MLLT3: variants seen among roughly 807,000 people sequenced by gnomAD.
MLLT3 encodes MLLT3 super elongation complex subunit, also known as protein AF-9.
Under a neutral mutation model 53.2 loss-of-function variants are expected in MLLT3, and 4 were observed. The ratio of observed to expected loss-of-function variants is 0.08; its 90% CI spans 0.04 to 0.17. MLLT3 has a LOEUF of 0.17. Ranked by LOEUF, MLLT3 falls within the 10% of genes least tolerant of loss-of-function variation. MLLT3 has a pLI of 1.00. For missense variants in MLLT3, 569 were observed against 684.0 expected (o/e 0.83, Z 1.87); for synonymous variants, 283 against 230.6 (o/e 1.23, Z -2.06).
chr9:20,458,455 T>C (rs1824025947), intron 2 of MLLT3, among the ~76,000 whole-genome samples: 1 of 152,182 alleles, frequency 6.6e-6, no homozygotes, highest in African/African-American at 2.4e-5. Context: ...CTAGACAATC[T>C]GAAGACTAAA....
intron 2 of MLLT3, among the ~76,000 whole-genome samples, chr9:20,478,576 T>C (rs1824583991): frequency 6.6e-6 from 1 of 152,158 alleles, no homozygotes; most frequent in African/African-American, 2.4e-5. Flanking sequence ...GGTTCAAAGA[T>C]GACCTCAGAT....
chr9:20,467,016 T>C (rs1015400784), intron 2 of MLLT3, among the ~76,000 whole-genome samples: 8 of 152,212 alleles, frequency 5.3e-5, no homozygotes, highest in African/African-American at 1.9e-4. Flanking sequence ...AGCTAGAGTA[T>C]ATATGAAACA....
At chr9:20,548,464 G>T (rs1818844905) in intron 2 of MLLT3, among the ~76,000 whole-genome samples, 1 of 152,160 alleles carries the variant, frequency 6.6e-6, no homozygotes, top group Admixed American at 6.5e-5. Flanking sequence ...AGTTTTCCAG[G>T]GGGGTGCTAA....
At chr9:20,498,964 T>C (rs115354104) in intron 2 of MLLT3, among the ~76,000 whole-genome samples, 1,598 of 152,326 alleles carry the variant, frequency 0.01, 38 homozygotes, top group African/African-American at 0.037. Flanking sequence ...AATTTAACCA[T>C]TCATGCTAGA....
chr9:20,376,250 T>C lies in MLLT3; in HGVS notation c.1126-10506A>G, dbSNP rs182182587. On this transcript the variant is annotated intron_variant, in intron 5 of 10. Coordinates refer to ENST00000380338, the MANE Select transcript of MLLT3 (RefSeq NM_004529.4). Reference sequence around the variant, plus strand: ...AGACTCTACATCTCTTTTTAGTAGATGCTCTCCATTTGTATTACGACAACT... The same window carrying C: ...AGACTCTACATCTCTTTTTAGTAGACGCTCTCCATTTGTATTACGACAACT... Among the ~76,000 whole-genome samples, 470 of 152,324 alleles carry C rather than the reference T, an allele frequency of 3.1e-3. 3 individuals carry two copies. The highest frequency in any genetic ancestry group is 0.011 in the African/African-American group (445 of 41,566).
chr9:20,480,907 T>A (rs1177122253), intron 2 of MLLT3, among the ~76,000 whole-genome samples: 4 of 152,220 alleles, frequency 2.6e-5, no homozygotes, highest in Admixed American at 2.6e-4. Context: ...CAGAGGGACC[T>A]TATTCAAAGG....
chr9:20,529,840 G>C (rs1048180518), intron 2 of MLLT3, among the ~76,000 whole-genome samples: 4 of 150,396 alleles, frequency 2.7e-5, no homozygotes, highest in African/African-American at 9.8e-5. Flanking sequence ...AAAGCTGACA[G>C]GCATGAGCCA....
Position 20,498,214 on chromosome 9 carries a change from C to T in MLLT3, c.194-41428G>A, listed in dbSNP as rs145836638. Among the ~76,000 whole-genome samples the T allele has an allele frequency of 5.3e-3, 564 of 107,352 alleles. 1 individual carries two copies. The highest frequency in any genetic ancestry group is 0.018 in the African/African-American group (489 of 27,864). 70.4% of individuals were successfully genotyped at this position (107,352 alleles called of 152,430 possible). ...CTGTACTCCAGCCTAGGTGACAGAGCGAGACGCTGTCTCAAAAAAAAAAAA... is the reference window on the plus strand; with the variant it reads ...CTGTACTCCAGCCTAGGTGACAGAGTGAGACGCTGTCTCAAAAAAAAAAAA... On this transcript the variant is annotated intron_variant, in intron 2 of 10. Transcript: ENST00000380338.
chr9:20,431,162 C>G (rs961093360), intron 4 of MLLT3, among the ~76,000 whole-genome samples: 2 of 152,130 alleles, frequency 1.3e-5, no homozygotes, highest in African/African-American at 4.8e-5. Flanking sequence ...AAATAGGTGA[C>G]TGCTCTATGA....
At chr9:20,584,982 T>C (rs930415769) in intron 2 of MLLT3, among the ~76,000 whole-genome samples, 6 of 152,206 alleles carry the variant, frequency 3.9e-5, no homozygotes, top group South Asian at 2.1e-4. Context: ...CATGGGCAGG[T>C]TTCTGTGTGG....
At chr9:20,528,394 G>C (rs533563813) in intron 2 of MLLT3, among the ~76,000 whole-genome samples, 1 of 152,354 alleles carries the variant, frequency 6.6e-6, no homozygotes, top group South Asian at 2.1e-4. Flanking sequence ...CAGGAAAGTG[G>C]CTATATTAGT....
intron 2 of MLLT3, among the ~76,000 whole-genome samples, chr9:20,615,887 AAAAAG>A (rs1563845630): frequency 9.6e-6 from 1 of 104,506 alleles, no homozygotes; most frequent in Non-Finnish European, 2.4e-5. Context: ...AAAAAAAAAA[AAAAAG>A]AAAAGAAAAG....
At chr9:20,451,758 C>G (rs981354991) in intron 3 of MLLT3, among the ~76,000 whole-genome samples, 1 of 152,152 alleles carries the variant, frequency 6.6e-6, no homozygotes, top group African/African-American at 2.4e-5. Flanking sequence ...TCTCACTCTG[C>G]AGAAGCTTCA....
intron 5 of MLLT3, among the ~76,000 whole-genome samples, chr9:20,397,800 T>C (rs1187577402): frequency 6.6e-6 from 1 of 152,168 alleles, no homozygotes. Flanking sequence ...TGATAAATTA[T>C]ATTTGGGTAT....
intron 10 of MLLT3, among the ~76,000 whole-genome samples, chr9:20,350,341 A>G (rs1380669334): frequency 2.6e-5 from 4 of 152,174 alleles, no homozygotes; most frequent in Non-Finnish European, 4.4e-5. Context: ...CACGCCTGTA[A>G]TCCCAGCACT....
At chr9:20,417,075 T>G (rs987651897) in intron 4 of MLLT3, among the ~76,000 whole-genome samples, 1 of 151,704 alleles carries the variant, frequency 6.6e-6, no homozygotes, top group Non-Finnish European at 1.5e-5. Flanking sequence ...GTCTCCATGT[T>G]TGTACATGTA....
At chr9:20,445,867 G>A (rs985545552) in intron 4 of MLLT3, among the ~76,000 whole-genome samples, 6 of 152,106 alleles carry the variant, frequency 3.9e-5, no homozygotes, top group African/African-American at 1.4e-4. Flanking sequence ...ATAAGAAGAA[G>A]AAGAAGTTTA....
At chr9:20,540,018 G>A in intron 2 of MLLT3, among the ~76,000 whole-genome samples, 1 of 152,174 alleles carries the variant, frequency 6.6e-6, no homozygotes, top group Non-Finnish European at 1.5e-5. Context: ...ACAAACCCCA[G>A]GCAACTCCAA....
intron 4 of MLLT3, among the ~76,000 whole-genome samples, chr9:20,434,971 C>CA (rs540165653): frequency 1.3e-5 from 2 of 152,216 alleles, no homozygotes; most frequent in South Asian, 4.1e-4. Context: ...TACACACATG[C>CA]ACTTTGATCA....
Sources: gnomAD v4.1 joint callset for allele counts (sites outside exome capture counted in the v4.1 genomes callset) on GRCh38, gnomAD v4.1.1 for gene constraint, MANE v1.5 for transcripts, NCBI Gene and HGNC (gene_info 2026-07-23, HGNC 2026-07-21) for gene names.